Variants in ATXN1 observed in about 807,000 individuals in gnomAD.
ATXN1 encodes the protein ataxin 1.
ATXN1 carries 8 observed loss-of-function variants against 56.4 expected under a neutral mutation model. The ratio of observed to expected loss-of-function variants is 0.14; its 90% CI spans 0.08 to 0.26. ATXN1 has a LOEUF of 0.26. Among genes scored for constraint, ATXN1 ranks in the 10% least tolerant of loss-of-function variants. The pLI is 1.00. For synonymous variants in ATXN1, 514 were observed against 494.6 expected (o/e 1.04, Z -0.52); for missense variants, 987 against 1,106.5 (o/e 0.89, Z 1.53).
intron 6 of ATXN1, among the ~76,000 whole-genome samples, chr6:16,406,891 G>A (rs946933153): frequency 6.6e-6 from 1 of 152,188 alleles, no homozygotes; most frequent in Non-Finnish European, 1.5e-5. Context: ...TAGGGTGGAC[G>A]CGTCAGGTTA....
At chr6:16,393,100 A>C (rs897328870) in intron 6 of ATXN1, among the ~76,000 whole-genome samples, 1 of 152,204 alleles carries the variant, frequency 6.6e-6, no homozygotes, top group African/African-American at 2.4e-5. Flanking sequence ...GCAAAACACA[A>C]GCACATATTG....
At chr6:16,740,955 G>A (rs1388657076) in intron 2 of ATXN1, among the ~76,000 whole-genome samples, 1 of 152,150 alleles carries the variant, frequency 6.6e-6, no homozygotes, top group Non-Finnish European at 1.5e-5. Flanking sequence ...TGTTCTAGGG[G>A]GCTAACTCAG....
intron 4 of ATXN1, among the ~76,000 whole-genome samples, chr6:16,565,300 C>T (rs1044663183): frequency 2.0e-5 from 3 of 152,152 alleles, no homozygotes; most frequent in Non-Finnish European, 4.4e-5. Flanking sequence ...TCCTCCAAAC[C>T]AATCCACCTA....
chr6:16,746,206 C>A (rs1377835478), intron 2 of ATXN1, among the ~76,000 whole-genome samples: 9 of 152,098 alleles, frequency 5.9e-5, no homozygotes, highest in Non-Finnish European at 1.5e-5. Context: ...TTTTCACCCT[C>A]CCTCTCTGTC....
intron 6 of ATXN1, among the ~76,000 whole-genome samples, chr6:16,362,919 G>C (rs1037221519): frequency 6.6e-6 from 1 of 152,146 alleles, no homozygotes; most frequent in Non-Finnish European, 1.5e-5. Flanking sequence ...GCTTTGCATG[G>C]AGCCGCTCAT....
intron 4 of ATXN1, among the ~76,000 whole-genome samples, chr6:16,534,785 C>A (rs1225737388): frequency 6.6e-6 from 1 of 152,184 alleles, no homozygotes; most frequent in Non-Finnish European, 1.5e-5. Flanking sequence ...TTCCCACTTC[C>A]ATGTCTTTGC....
chr6:16,688,595 GT>G (rs923215325), intron 2 of ATXN1, among the ~76,000 whole-genome samples: 91 of 152,314 alleles, frequency 6.0e-4, no homozygotes, highest in African/African-American at 2.0e-3. Context: ...GTAACATCCT[GT>G]TGGTGGAAAA....
chr6:16,311,702 A>G (rs1760394529), intron 7 of ATXN1, among the ~76,000 whole-genome samples: 1 of 152,366 alleles, frequency 6.6e-6, no homozygotes, highest in East Asian at 1.9e-4. Flanking sequence ...CCAATCTGGA[A>G]CTGGCTCCAT....
intron 6 of ATXN1, among the ~76,000 whole-genome samples, chr6:16,334,070 T>C (rs1034793868): frequency 2.6e-5 from 4 of 152,216 alleles, no homozygotes; most frequent in African/African-American, 9.7e-5. Context: ...TCAATGTCAG[T>C]GTGAAGCAAA....
At chr6:16,336,733 T>C (rs1384302281) in intron 6 of ATXN1, among the ~76,000 whole-genome samples, 1 of 152,174 alleles carries the variant, frequency 6.6e-6, no homozygotes, top group East Asian at 1.9e-4. Flanking sequence ...TTCCTTTTCT[T>C]TGAGGCAAGA....
intron 6 of ATXN1, among the ~76,000 whole-genome samples, chr6:16,476,362 A>G (rs77783756): frequency 0.018 from 2,675 of 152,298 alleles, 91 homozygotes; most frequent in African/African-American, 0.061. Flanking sequence ...TAAAAAAGCA[A>G]CCATCAAACC....
At chr6:16,509,770 C>T (rs1460627514) in intron 5 of ATXN1, among the ~76,000 whole-genome samples, 7 of 152,174 alleles carry the variant, frequency 4.6e-5, no homozygotes, top group South Asian at 2.1e-4. Context: ...GGTTCCTCTT[C>T]GCTTCCTGAA....
intron 7 of ATXN1, among the ~76,000 whole-genome samples, chr6:16,319,924 T>C (rs981959148): frequency 2.6e-5 from 4 of 151,988 alleles, no homozygotes; most frequent in Admixed American, 2.0e-4. Context: ...AGTTTCTCTG[T>C]TGGAGCCTTT....
At chr6:16,455,681 T>C (rs989208686) in intron 6 of ATXN1, among the ~76,000 whole-genome samples, 10 of 152,166 alleles carry the variant, frequency 6.6e-5, no homozygotes, top group Non-Finnish European at 1.2e-4. Context: ...ATCCATACAA[T>C]AGAATATTAT....
chr6:16,737,466 A>C (rs1760175952), intron 2 of ATXN1: 1 of 152,276 alleles, frequency 6.6e-6, no homozygotes, highest in African/African-American at 2.4e-5. Flanking sequence ...AAGTGATGCC[A>C]AAATGAATCT....
chr6:16,566,095 AT>A lies in ATXN1; in HGVS notation c.-361+19684del, dbSNP rs574643342. Among the ~76,000 whole-genome samples, 272 of 152,362 alleles carry A rather than the reference AT, an allele frequency of 1.8e-3. 1 individual carries two copies. The highest frequency in any genetic ancestry group is 6.3e-3 in the African/African-American group (263 of 41,572). ...GGATACTGGAAATTGAGAGCAGATT[AT>A]AAAAGATTTACGTTGAATAACAAGA... On this transcript the variant is annotated intron_variant, in intron 4 of 7. Coordinates refer to ENST00000436367, the MANE Select transcript of ATXN1 (RefSeq NM_001128164.2).
At position 16,327,672 on chromosome 6, in the gene ATXN1, C is replaced by CTGA. The variant is rs1554138045; in HGVS notation, c.638_639insTCA (p.Gln212_Gln213insHis). 0.027 allele frequency: 37,932 copies of CTGA among 1,399,434 alleles called. 519 individuals carry two copies. Among genetic ancestry groups the CTGA allele is most frequent in the African/African-American group, 0.05 (2,734 of 54,612 alleles). The allele number at this position is 1,399,434 out of a possible 1,614,324, so 86.7% of individuals were successfully genotyped here. The stretch of plus-strand genomic sequence containing the variant: ...GCTGCTGCTGCTGCTGCTGCTGCTG[C>CTGA]TGCTGATGCTGATGCTGCTGCTGCT... On this transcript the variant is annotated inframe_insertion, in exon 7 of 8. Transcript: ENST00000436367.
intron 3 of ATXN1, among the ~76,000 whole-genome samples, chr6:16,628,096 C>T (rs768005239): frequency 6.6e-6 from 1 of 152,146 alleles, no homozygotes. Flanking sequence ...AATAAACAGA[C>T]ACCAATCCTT....
intron 4 of ATXN1, among the ~76,000 whole-genome samples, chr6:16,558,048 G>T (rs978320236): frequency 1.3e-5 from 2 of 152,136 alleles, no homozygotes; most frequent in East Asian, 3.8e-4. Context: ...TGCTTAATGG[G>T]TAAAGGTTTT....
Sources: gnomAD v4.1 joint callset for allele counts (sites outside exome capture counted in the v4.1 genomes callset) on GRCh38, gnomAD v4.1.1 for gene constraint, MANE v1.5 for transcripts, NCBI Gene and HGNC (gene_info 2026-07-23, HGNC 2026-07-21) for gene names.